The following MSH3 variants were observed in gnomAD, a reference collection of about 807,000 sequenced individuals.
MSH3 encodes the protein mutS homolog 3.
In MSH3, 106 loss-of-function variants were observed where a neutral mutation model predicts 123.3. The observed-to-expected ratio is 0.86, with a 90% CI of 0.73 to 1.01. The LOEUF is 1.01. Ranked by LOEUF, MSH3 falls within the 50% of genes least tolerant of loss-of-function variation. MSH3 has a pLI of 0.00. For synonymous variants in MSH3, 515 were observed against 481.4 expected (o/e 1.07, Z -0.91); for missense variants, 1,459 against 1,347.6 (o/e 1.08, Z -1.29).
At position 80,654,705 on chromosome 5, in the gene MSH3, C is replaced by T. The variant is rs766271824; in HGVS notation, c.-23C>T. 11 of 1,581,230 alleles carry T rather than the reference C, an allele frequency of 7.0e-6. No homozygotes were observed. The highest frequency in any genetic ancestry group is 3.4e-5 in the South Asian group (3 of 89,108). ...CGCGCTCCTCGCCAGGCCCTGCCGCCGGGCTGCCATCCTTGCCCTGCCATG... is the reference window on the plus strand; with the variant it reads ...CGCGCTCCTCGCCAGGCCCTGCCGCTGGGCTGCCATCCTTGCCCTGCCATG... On this transcript the variant is annotated 5_prime_UTR_variant, in exon 1 of 24. Transcript: ENST00000265081.
chr5:80,691,925 A>C (rs920840432), intron 8 of MSH3, among the ~76,000 whole-genome samples: 18 of 129,532 alleles, frequency 1.4e-4, no homozygotes, highest in African/African-American at 4.0e-4. Context: ...ATATGTTTAT[A>C]TAGATAAACA....
intron 19 of MSH3, among the ~76,000 whole-genome samples, chr5:80,811,782 A>G (rs1416765814): frequency 6.7e-6 from 1 of 148,376 alleles, no homozygotes. Flanking sequence ...AGACATATTA[A>G]AAAAGAGATT....
In MSH3 at chr5:80,740,713, CTTT is replaced by C. The variant is rs34246815; in HGVS notation, c.1569-737_1569-735del. On this transcript the variant is annotated intron_variant, in intron 10 of 23. Transcript: ENST00000265081. Reference sequence around the variant, plus strand: ...TAACACTTGTTGCATATGTTAGAATCTTTTTTTTTTTTTTTTGCCGAGGCGTAG... The same window carrying C: ...TAACACTTGTTGCATATGTTAGAATCTTTTTTTTTTTTTGCCGAGGCGTAG... Among the ~76,000 whole-genome samples, 844 of 131,356 alleles carry C rather than the reference CTTT, an allele frequency of 6.4e-3. 3 individuals carry two copies. Among genetic ancestry groups the C allele is most frequent in the Middle Eastern group, 0.025 (6 of 236 alleles). 86.2% of individuals were successfully genotyped at this position (131,356 alleles called of 152,430 possible). A position where few individuals can be genotyped will look rare whatever the true frequency, so the allele number is the denominator to read the frequency against.
At chr5:80,675,294 A>G (rs1561438217) in intron 7 of MSH3, among the ~76,000 whole-genome samples, 166 bp downstream of exon 7, 1 of 152,170 alleles carries the variant, frequency 6.6e-6, no homozygotes, top group Non-Finnish European at 1.5e-5. Flanking sequence ...CGCTAGTTAC[A>G]ATTTTCTCAT....
At chr5:80,802,145 C>T (rs1298811403) in intron 19 of MSH3, among the ~76,000 whole-genome samples, 1 of 151,982 alleles carries the variant, frequency 6.6e-6, no homozygotes, top group African/African-American at 2.4e-5. Context: ...CCACTGTTAA[C>T]ATTTTGGAAT....
At chr5:80,764,267 G>T (rs1478955901) in intron 13 of MSH3, among the ~76,000 whole-genome samples, 1 of 152,210 alleles carries the variant, frequency 6.6e-6, no homozygotes, top group East Asian at 1.9e-4. Context: ...AGCATAGGCT[G>T]TATGGTTTTG....
At chr5:80,840,922 A>G (rs1352737269) in intron 20 of MSH3, among the ~76,000 whole-genome samples, 1 of 148,920 alleles carries the variant, frequency 6.7e-6, no homozygotes, top group Non-Finnish European at 1.5e-5. Flanking sequence ...TTTTTTTAAT[A>G]TACTTTAAGT....
At chr5:80,727,923 A>C (rs1743331528) in intron 9 of MSH3, among the ~76,000 whole-genome samples, 1 of 152,138 alleles carries the variant, frequency 6.6e-6, no homozygotes, top group African/African-American at 2.4e-5. Context: ...TAAGGAAAAG[A>C]GCCATATAGA....
At chr5:80,693,771 C>T (rs1750404434) in intron 8 of MSH3, among the ~76,000 whole-genome samples, 1 of 152,102 alleles carries the variant, frequency 6.6e-6, no homozygotes, top group Admixed American at 6.6e-5. Flanking sequence ...AATTCTCCTG[C>T]CTCAGCCTCC....
At chr5:80,824,985 T>C (rs1232456527) in intron 20 of MSH3, among the ~76,000 whole-genome samples, 3 of 152,170 alleles carry the variant, frequency 2.0e-5, no homozygotes, top group Non-Finnish European at 2.9e-5. Flanking sequence ...TTGTTACCAC[T>C]GGAAAGGAAT....
intron 8 of MSH3, among the ~76,000 whole-genome samples, chr5:80,713,123 T>C (rs1016764737): frequency 2.6e-5 from 4 of 152,170 alleles, no homozygotes; most frequent in African/African-American, 7.2e-5. Flanking sequence ...CTAAAGTCGG[T>C]ATAGATCATG....
At chr5:80,737,422 A>G (rs1331638706) in intron 10 of MSH3, among the ~76,000 whole-genome samples, 2 of 152,158 alleles carry the variant, frequency 1.3e-5, no homozygotes, top group African/African-American at 4.8e-5. Context: ...TTGAGGGAAA[A>G]AAAGCATCTA....
At chr5:80,757,144 T>G (rs1012125996) in intron 12 of MSH3, among the ~76,000 whole-genome samples, 3 of 152,036 alleles carry the variant, frequency 2.0e-5, no homozygotes, top group African/African-American at 7.2e-5. Context: ...TATGAGATAT[T>G]TGTTGCAGGC....
Position 80,761,574 on chromosome 5 carries a change from T to C in MSH3, c.1792T>C (p.Ser598Pro), listed in dbSNP as rs751983772. The change falls in exon 13 of 24, where the codon TCG becomes CCG. Residue 598 changes from serine (S) to proline (P), a missense_variant. Physicochemically the swap from Ser to Pro is moderately conservative, Grantham distance 74 (BLOSUM62 -1). Coordinates refer to ENST00000265081, the MANE Select transcript of MSH3 (RefSeq NM_002439.5). ...AATAAATGCCCGGCTTGATGCTGTA[T>C]CGGAAGTTCTCCATTCAGAATCTAG... Reference protein sequence around the residue: ...REINARLDAVSEVLHSESSVF... With the variant: ...REINARLDAVPEVLHSESSVF... 2 of 1,614,042 alleles carry C rather than the reference T, an allele frequency of 1.2e-6. No individual in the cohort carries two copies. Among genetic ancestry groups the C allele is most frequent in the East Asian group, 2.2e-5 (1 of 44,892 alleles).
intron 20 of MSH3, among the ~76,000 whole-genome samples, chr5:80,838,924 C>G (rs534952465): frequency 3.4e-4 from 52 of 152,062 alleles, no homozygotes; most frequent in Non-Finnish European, 6.6e-4. Flanking sequence ...TTCAATGAGA[C>G]AGCTAATTTT....
chr5:80,868,798 C>G (rs1746149258), intron 22 of MSH3, among the ~76,000 whole-genome samples: 1 of 151,748 alleles, frequency 6.6e-6, no homozygotes, highest in African/African-American at 2.4e-5. Flanking sequence ...AACTCTATAG[C>G]TTCCATGTTC....
chr5:80,660,642 A>G (rs1010725536), intron 2 of MSH3, among the ~76,000 whole-genome samples: 3 of 152,226 alleles, frequency 2.0e-5, no homozygotes, highest in Non-Finnish European at 4.4e-5. Context: ...AGCCTTTAGC[A>G]TATAAGACAT....
At chr5:80,809,730 T>C (rs866022270) in intron 19 of MSH3, among the ~76,000 whole-genome samples, 1 of 152,224 alleles carries the variant, frequency 6.6e-6, no homozygotes. Context: ...ATTCTTTCAC[T>C]TTCCATTTTG....
chr5:80,788,802 C>CA (rs199590090), intron 18 of MSH3, among the ~76,000 whole-genome samples: 1,439 of 90,002 alleles, frequency 0.016, 9 homozygotes, highest in African/African-American at 0.046. Context: ...GAGCCTGTCT[C>CA]AAAAAAAAAA....
Sources: gnomAD v4.1 joint callset for allele counts (sites outside exome capture counted in the v4.1 genomes callset) on GRCh38, gnomAD v4.1.1 for gene constraint, MANE v1.5 for transcripts, NCBI Gene and HGNC (gene_info 2026-07-23, HGNC 2026-07-21) for gene names.